Variants in MGMT observed in about 807,000 individuals in gnomAD.
MGMT encodes O-6-methylguanine-DNA methyltransferase.
MGMT carries 14 observed loss-of-function variants against 15.9 expected under a neutral mutation model. The observed-to-expected ratio is 0.88, with a 90% CI of 0.58 to 1.37. The LOEUF is 1.37. Ranked by LOEUF, MGMT falls within the 40% of genes most tolerant of loss-of-function variation. The probability of loss-of-function intolerance (pLI) is 0.00; values close to 1 mark genes in which losing one functional copy is unlikely to be tolerated. For synonymous variants in MGMT, 130 were observed against 118.2 expected (o/e 1.10, Z -0.65); for missense variants, 282 against 268.1 (o/e 1.05, Z -0.36).
chr10:129,733,403 GTTGT>G (rs1443499072), intron 3 of MGMT, among the ~76,000 whole-genome samples: 12 of 152,012 alleles, frequency 7.9e-5, no homozygotes, highest in East Asian at 7.7e-4. Flanking sequence ...TTTTGATGGG[GTTGT>G]TTGTTTTTTT....
chr10:129,714,831 T>C (rs1401858607), intron 3 of MGMT, among the ~76,000 whole-genome samples: 2 of 152,180 alleles, frequency 1.3e-5, no homozygotes, highest in Non-Finnish European at 2.9e-5. Flanking sequence ...CGGCTCCTGG[T>C]CCACTGGCAG....
chr10:129,478,241 C>G (rs1264284266), intron 1 of MGMT, among the ~76,000 whole-genome samples: 1 of 152,024 alleles, frequency 6.6e-6, no homozygotes, highest in East Asian at 1.9e-4. Context: ...TGATTTTTTC[C>G]CCCCCTCCAG....
intron 2 of MGMT, among the ~76,000 whole-genome samples, chr10:129,575,304 T>G (rs1197163238): frequency 2.0e-5 from 3 of 152,030 alleles, no homozygotes; most frequent in Non-Finnish European, 4.4e-5. Flanking sequence ...CCTCAGCAAA[T>G]GTAAAAGAAC....
At chr10:129,553,234 G>A (rs1246991604) in intron 2 of MGMT, among the ~76,000 whole-genome samples, 1 of 152,178 alleles carries the variant, frequency 6.6e-6, no homozygotes, top group African/African-American at 2.4e-5. Flanking sequence ...ATAATTTCTA[G>A]AGGTAGAATT....
At chr10:129,493,174 TTTCCC>T (rs1304209626) in intron 1 of MGMT, among the ~76,000 whole-genome samples, 2 of 152,132 alleles carry the variant, frequency 1.3e-5, no homozygotes, top group African/African-American at 2.4e-5. Flanking sequence ...TAGGGATGCT[TTTCCC>T]TAAGGGTGGG....
At chr10:129,537,261 T>C (rs1300856243) in intron 2 of MGMT, 2 of 152,162 alleles carry the variant, frequency 1.3e-5, no homozygotes, top group African/African-American at 4.8e-5. Flanking sequence ...TAAAAATTGA[T>C]TTTAATGGGC....
chr10:129,705,450 C>T (rs865780196), intron 2 of MGMT, among the ~76,000 whole-genome samples: 8 of 152,282 alleles, frequency 5.3e-5, no homozygotes, highest in Middle Eastern at 3.4e-3. Flanking sequence ...TTTAACTAGA[C>T]GTGTAAGCTA....
At chr10:129,484,705 T>C (rs1411719162) in intron 1 of MGMT, among the ~76,000 whole-genome samples, 1 of 152,178 alleles carries the variant, frequency 6.6e-6, no homozygotes, top group African/African-American at 2.4e-5. Context: ...GAGTGCTAGA[T>C]TATGTTGTCT....
intron 2 of MGMT, among the ~76,000 whole-genome samples, chr10:129,555,187 A>G (rs1230112052): frequency 3.3e-5 from 5 of 152,126 alleles, no homozygotes; most frequent in Non-Finnish European, 5.9e-5. Context: ...CACATATTTC[A>G]TAGGCCTCCT....
intron 2 of MGMT, among the ~76,000 whole-genome samples, chr10:129,588,413 C>T (rs1846642279): frequency 6.6e-6 from 1 of 152,148 alleles, no homozygotes; most frequent in South Asian, 2.1e-4. Flanking sequence ...GAGGTAATAC[C>T]GTATGCATCT....
intron 2 of MGMT, among the ~76,000 whole-genome samples, chr10:129,633,850 A>G (rs1377071808): frequency 6.6e-6 from 1 of 152,238 alleles, no homozygotes; most frequent in Non-Finnish European, 1.5e-5. Context: ...TAGTAAATAT[A>G]TTAGTCTCTG....
At chr10:129,649,914 C>T (rs1847437191) in intron 2 of MGMT, among the ~76,000 whole-genome samples, 1 of 152,208 alleles carries the variant, frequency 6.6e-6, no homozygotes, top group Non-Finnish European at 1.5e-5. Flanking sequence ...TGTTTATCTT[C>T]TCCACATTCT....
At chr10:129,592,887 ATATTTT>A (rs1846704946) in intron 2 of MGMT, among the ~76,000 whole-genome samples, 1 of 152,230 alleles carries the variant, frequency 6.6e-6, no homozygotes, top group Non-Finnish European at 1.5e-5. Flanking sequence ...TTGAAATGAA[ATATTTT>A]TAAATGTTCT....
At chr10:129,677,605 C>G (rs74788406) in intron 2 of MGMT, among the ~76,000 whole-genome samples, 2 of 152,220 alleles carry the variant, frequency 1.3e-5, no homozygotes, top group Non-Finnish European at 2.9e-5. Context: ...CCTCTGCCCC[C>G]ACCATGTCCC....
At chr10:129,702,861 T>A (rs1332506557) in intron 2 of MGMT, among the ~76,000 whole-genome samples, 2 of 152,082 alleles carry the variant, frequency 1.3e-5, no homozygotes, top group African/African-American at 4.8e-5. Context: ...TAATTGTTAG[T>A]GTTTCAGGGT....
chr10:129,653,087 C>T (rs938436081), intron 2 of MGMT, among the ~76,000 whole-genome samples: 3 of 152,148 alleles, frequency 2.0e-5, no homozygotes, highest in Non-Finnish European at 2.9e-5. Context: ...GTCGTCCGGT[C>T]GGCTGTGACA....
chr10:129,527,077 C>T (rs1845878606), intron 1 of MGMT, among the ~76,000 whole-genome samples: 1 of 152,206 alleles, frequency 6.6e-6, no homozygotes, highest in Non-Finnish European at 1.5e-5. Context: ...GGGCCGTGGG[C>T]TTGTGCTTCG....
chr10:129,519,343 G>A (rs998971116), intron 1 of MGMT, among the ~76,000 whole-genome samples: 9 of 152,304 alleles, frequency 5.9e-5, no homozygotes, highest in Non-Finnish European at 1.0e-4. Context: ...TGTTTAAAGA[G>A]TAAAAGGTAT....
chr10:129,538,012 G>C (rs1441347559), intron 2 of MGMT, among the ~76,000 whole-genome samples: 1 of 152,190 alleles, frequency 6.6e-6, no homozygotes, highest in Non-Finnish European at 1.5e-5. Context: ...TGTCTTGTGA[G>C]TAAGGAAGGA....
Sources: allele counts gnomAD v4.1 joint callset (sites outside exome capture counted in the v4.1 genomes callset), GRCh38; gene constraint gnomAD v4.1.1; transcripts MANE v1.5; gene names NCBI Gene and HGNC (gene_info 2026-07-23, HGNC 2026-07-21).